RYR3: variants seen among roughly 807,000 people sequenced by gnomAD.
RYR3 encodes the protein brain ryanodine receptor-calcium release channel.
A neutral mutation model predicts 584.3 loss-of-function variants in RYR3; 207 were observed. The observed-to-expected ratio is 0.35, with a 90% confidence interval of 0.32 to 0.40. The LOEUF is 0.40. Ranked by LOEUF, RYR3 falls within the 10% of genes least tolerant of loss-of-function variation. The probability of loss-of-function intolerance (pLI) is 1.00; values close to 1 mark genes in which losing one functional copy is unlikely to be tolerated. For synonymous variants in RYR3, 2,416 were observed against 2,248.5 expected (o/e 1.07, Z -2.11); for missense variants, 5,616 against 6,089.2 (o/e 0.92, Z 2.59).
intron 26 of RYR3, 22 bp from the exon 27 acceptor site, chr15:33,636,354 G>A (rs778895027): frequency 6.2e-7 from 1 of 1,612,090 alleles, no homozygotes; most frequent in Admixed American, 1.7e-5. Flanking sequence ...ATTTCTCTAA[G>A]CCCTAGAGTC....
At chr15:33,425,160 G>T (rs1431679793) in intron 1 of RYR3, among the ~76,000 whole-genome samples, 3 of 151,514 alleles carry the variant, frequency 2.0e-5, no homozygotes, top group Non-Finnish European at 4.4e-5. Flanking sequence ...TACTTATTCA[G>T]CAACTCTGTT....
At chr15:33,716,081 A>G (rs901435573) in intron 43 of RYR3, among the ~76,000 whole-genome samples, 3 of 150,986 alleles carry the variant, frequency 2.0e-5, no homozygotes, top group Non-Finnish European at 4.4e-5. Context: ...CCTTCCTCCC[A>G]CTCTTTCTCT....
chr15:33,546,838 C>T (rs1195017862), intron 8 of RYR3, among the ~76,000 whole-genome samples: 2 of 152,128 alleles, frequency 1.3e-5, no homozygotes, highest in Non-Finnish European at 2.9e-5. Context: ...TTCTTTTCAC[C>T]ACTATTGACT....
At chr15:33,332,040 A>G (rs559303715) in intron 1 of RYR3, among the ~76,000 whole-genome samples, 74 of 152,254 alleles carry the variant, frequency 4.9e-4, no homozygotes, top group African/African-American at 1.8e-3. Flanking sequence ...GGAAGGAAAT[A>G]GTACATAACT....
intron 1 of RYR3, among the ~76,000 whole-genome samples, chr15:33,368,720 C>T (rs983446729): frequency 3.3e-5 from 5 of 152,120 alleles, no homozygotes; most frequent in Admixed American, 6.5e-5. Flanking sequence ...GCCCCAGAAC[C>T]TCCTCGCCTG....
At chr15:33,661,431 C>G (rs1475721360) in intron 34 of RYR3, among the ~76,000 whole-genome samples, 1 of 152,174 alleles carries the variant, frequency 6.6e-6, no homozygotes, top group Non-Finnish European at 1.5e-5. Flanking sequence ...TGGAGGAACA[C>G]CCCATGGATA....
At position 33,865,761 on chromosome 15, in the gene RYR3, A is replaced by C. The variant is rs892110719; in HGVS notation, c.*535A>C. On this transcript the variant is annotated 3_prime_UTR_variant, in exon 104 of 104. Coordinates refer to ENST00000634891, the MANE Select transcript of RYR3 (RefSeq NM_001036.6). ...AAACCGACACTTTGTCGACACTGAA[A>C]TATCGATTAAGTGCCTTAAAACCTC... is the stretch of plus-strand genomic sequence containing the variant. 6.5e-6 allele frequency: 1 copy of C among 153,474 alleles called. No homozygotes were observed. The highest frequency in any genetic ancestry group is 6.5e-5 in the Admixed American group (1 of 15,438). 9.5% of individuals were successfully genotyped at this position (153,474 alleles called of 1,614,324 possible). A position where few individuals can be genotyped will look rare whatever the true frequency, so the allele number is the denominator to read the frequency against.
chr15:33,825,723 C>G (rs781763582), intron 82 of RYR3, 47 bp downstream of exon 82: 3 of 473,110 alleles, frequency 6.3e-6, no homozygotes, highest in East Asian at 3.8e-5. Context: ...TGATTAAAAT[C>G]TTTTTTTTTT....
chr15:33,563,371 A>G (rs543099619), intron 11 of RYR3, among the ~76,000 whole-genome samples: 1 of 152,226 alleles, frequency 6.6e-6, no homozygotes, highest in Non-Finnish European at 1.5e-5. Flanking sequence ...AGTTTTCATA[A>G]TAGACTAAAT....
At chr15:33,571,072 A>G (rs1007461750) in intron 12 of RYR3, among the ~76,000 whole-genome samples, 14 of 141,778 alleles carry the variant, frequency 9.9e-5, no homozygotes, top group African/African-American at 3.7e-4. Flanking sequence ...TTTTTCTTGC[A>G]TTATTGCACT....
intron 1 of RYR3, among the ~76,000 whole-genome samples, chr15:33,438,780 TAG>T (rs994598085): frequency 1.7e-4 from 26 of 148,954 alleles, no homozygotes; most frequent in African/African-American, 5.4e-4. Flanking sequence ...CTGAAACTGA[TAG>T]AGTTACAAAA....
chr15:33,515,769 A>T (rs1053860892), intron 3 of RYR3, among the ~76,000 whole-genome samples: 2 of 152,234 alleles, frequency 1.3e-5, no homozygotes, highest in African/African-American at 4.8e-5. Context: ...AATACAAAAC[A>T]TTCTTCAGTT....
chr15:33,314,774 C>A (rs1241294319), intron 1 of RYR3, among the ~76,000 whole-genome samples: 5 of 152,122 alleles, frequency 3.3e-5, no homozygotes, highest in Middle Eastern at 6.8e-3. Context: ...ATTAGCCGGG[C>A]GTGGTGGTGG....
intron 16 of RYR3, among the ~76,000 whole-genome samples, chr15:33,600,225 G>GA (rs2059590741): frequency 6.6e-6 from 1 of 152,130 alleles, no homozygotes. Flanking sequence ...GAGTCAAGTA[G>GA]AAAATTGGTT....
At position 33,848,826 on chromosome 15, in the gene RYR3, C is replaced by CTTTTT. The variant is rs769204969; in HGVS notation, c.13628+428_13628+432dup. 3.7e-3 allele frequency among the ~76,000 whole-genome samples: 279 copies of CTTTTT among 75,246 alleles called. 30 individuals carry two copies. The highest frequency in any genetic ancestry group is 3.8e-3 in the African/African-American group (62 of 16,418). The allele number at this position is 75,246 out of a possible 152,430, so 49.4% of individuals were successfully genotyped here. Reference sequence around the variant, plus strand: ...CTATAACTGCCATCTCTGAAGTCCTCTTTTTTTTTTTTTTTTTTTTTTTTT... The same window carrying CTTTTT: ...CTATAACTGCCATCTCTGAAGTCCTCTTTTTTTTTTTTTTTTTTTTTTTTTTTTTT... On this transcript the variant is annotated intron_variant, in intron 94 of 103. Coordinates refer to ENST00000634891, the MANE Select transcript of RYR3 (RefSeq NM_001036.6).
chr15:33,419,012 G>T (rs914758253), intron 1 of RYR3, among the ~76,000 whole-genome samples: 4 of 152,132 alleles, frequency 2.6e-5, no homozygotes, highest in African/African-American at 9.7e-5. Flanking sequence ...GGACAAAGAG[G>T]TGTGGTATGG....
intron 5 of RYR3, among the ~76,000 whole-genome samples, chr15:33,534,309 G>C (rs2055137230): frequency 6.6e-6 from 1 of 152,236 alleles, no homozygotes; most frequent in African/African-American, 2.4e-5. Context: ...GCTGAGGTGG[G>C]AGAATCGCTT....
intron 89 of RYR3, 56 bp from the exon 90 acceptor site, chr15:33,840,769 A>C (rs2078307984): frequency 6.4e-7 from 1 of 1,551,470 alleles, no homozygotes; most frequent in African/African-American, 1.4e-5. Context: ...AAAATGTCTC[A>C]TCATCATGAC....
intron 43 of RYR3, among the ~76,000 whole-genome samples, chr15:33,717,441 T>A (rs1434132853): frequency 6.6e-6 from 1 of 152,166 alleles, no homozygotes; most frequent in Non-Finnish European, 1.5e-5. Flanking sequence ...TTGAATCAAC[T>A]TTTTTCCTTA....
Sources: allele counts gnomAD v4.1 joint callset (sites outside exome capture counted in the v4.1 genomes callset), GRCh38; gene constraint gnomAD v4.1.1; transcripts MANE v1.5; gene names NCBI Gene and HGNC (gene_info 2026-07-23, HGNC 2026-07-21).